Variants in STK31 observed in about 807,000 individuals in gnomAD.
STK31 encodes the protein serine/threonine kinase 31.
A neutral mutation model predicts 129.7 loss-of-function variants in STK31; 89 were observed. The observed-to-expected ratio is 0.69, with a 90% CI of 0.58 to 0.82. The LOEUF is 0.82. Among genes scored for constraint, STK31 ranks in the 40% least tolerant of loss-of-function variants. STK31 has a pLI of 0.00. For synonymous variants in STK31, 448 were observed against 395.3 expected, an observed-to-expected ratio of 1.13 and a Z score of -1.58; for missense variants, 1,187 against 1,176.4, an observed-to-expected ratio of 1.01 and a Z score of -0.13.
At chr7:23,809,265 T>C (rs192460395) in intron 22 of STK31, among the ~76,000 whole-genome samples, 30 of 152,182 alleles carry the variant, frequency 2.0e-4, no homozygotes, top group Non-Finnish European at 2.4e-4. Flanking sequence ...CTGCATTACT[T>C]TAATTGAGCC....
intron 22 of STK31, among the ~76,000 whole-genome samples, chr7:23,813,640 T>C (rs567538398): frequency 6.6e-6 from 1 of 152,324 alleles, no homozygotes; most frequent in African/African-American, 2.4e-5. Flanking sequence ...TGTTGCGTGC[T>C]GCTGGGCCTC....
At chr7:23,792,840 A>C (rs1791724084) in intron 22 of STK31, among the ~76,000 whole-genome samples, 3 of 152,146 alleles carry the variant, frequency 2.0e-5, no homozygotes, top group African/African-American at 7.2e-5. Context: ...TAGGCAACAC[A>C]AGTGAGCACC....
chr7:23,766,833 A>G (rs989414944), intron 11 of STK31, among the ~76,000 whole-genome samples: 29 of 152,150 alleles, frequency 1.9e-4, no homozygotes, highest in Non-Finnish European at 2.6e-4. Context: ...TCTGTTATCT[A>G]CATATTTTAA....
chr7:23,754,600 A>G, intron 10 of STK31, 126 bp downstream of exon 10: 2 of 1,036,798 alleles, frequency 1.9e-6, no homozygotes, highest in Non-Finnish European at 2.8e-6. Flanking sequence ...ACATAGGTAT[A>G]CATGCGCCGT....
At chr7:23,801,153 T>A (rs1417008653) in intron 22 of STK31, among the ~76,000 whole-genome samples, 1 of 152,206 alleles carries the variant, frequency 6.6e-6, no homozygotes, top group Non-Finnish European at 1.5e-5. Context: ...AGAGTGGCTG[T>A]ACTGTTTTTG....
Position 23,717,531 on chromosome 7 carries a change from A to G in STK31, c.201A>G (p.Glu67=). Residue 67 remains glutamate (E), a synonymous_variant, in exon 4 of 24, where the codon GAA becomes GAG. Coordinates refer to ENST00000355870, the MANE Select transcript of STK31 (RefSeq NM_031414.5). ...TGAAGATTGGTTGCTCACTGTCTGA[A>G]GTTTGCCCCCAGGCCAGTTCAGTTT... ...DIMKIGCSLS[E]VCPQASSVLG... 1.2e-6 allele frequency: 2 copies of G among 1,613,358 alleles called. No individual in the cohort carries two copies. Among genetic ancestry groups the G allele is most frequent in the Non-Finnish European group, 1.7e-6 (2 of 1,179,600 alleles).
intron 8 of STK31, among the ~76,000 whole-genome samples, chr7:23,741,309 G>GAT (rs2045359799): frequency 6.6e-6 from 1 of 152,130 alleles, no homozygotes; most frequent in South Asian, 2.1e-4. Context: ...GGGTGCTAGG[G>GAT]ATATATATAG....
intron 3 of STK31, among the ~76,000 whole-genome samples, chr7:23,715,447 C>T (rs1255952658): frequency 3.8e-5 from 4 of 105,312 alleles, no homozygotes; most frequent in Non-Finnish European, 6.0e-5. Flanking sequence ...AAGACCTTGT[C>T]GCTACAAAAA....
At chr7:23,792,470 A>G (rs1316646800) in intron 22 of STK31, among the ~76,000 whole-genome samples, 1 of 152,342 alleles carries the variant, frequency 6.6e-6, no homozygotes, top group East Asian at 1.9e-4. Flanking sequence ...TCAAGAAGAC[A>G]TAAATAAATG....
chr7:23,790,563 G>A (rs1188595061), intron 21 of STK31, among the ~76,000 whole-genome samples: 1 of 152,126 alleles, frequency 6.6e-6, no homozygotes, highest in African/African-American at 2.4e-5. Flanking sequence ...AGTATCAAAT[G>A]TTTAATCACA....
At chr7:23,745,135 C>G (rs1056007629) in intron 8 of STK31, among the ~76,000 whole-genome samples, 2 of 152,100 alleles carry the variant, frequency 1.3e-5, no homozygotes, top group African/African-American at 4.8e-5. Context: ...CAAGTGGATG[C>G]CAGCTGTGTT....
intron 15 of STK31, among the ~76,000 whole-genome samples, chr7:23,778,968 G>A (rs1355945362): frequency 6.6e-6 from 1 of 152,036 alleles, no homozygotes; most frequent in African/African-American, 2.4e-5. Context: ...CATCTTCTTG[G>A]ATTTATCTAC....
chr7:23,732,848 TTAGA>T (rs1446185967), intron 6 of STK31, among the ~76,000 whole-genome samples: 1 of 152,188 alleles, frequency 6.6e-6, no homozygotes, highest in Non-Finnish European at 1.5e-5. Flanking sequence ...TTCTTGAATT[TTAGA>T]TAGACTTTTG....
chr7:23,735,526 CTTCT>C lies in STK31; in HGVS notation c.484-6_484-3del, dbSNP rs771428133. Reference sequence around the variant, plus strand: ...TGTTGGTGTAGCTGGTTTATGTTTTCTTCTTTCTTAGGGCACAACCTTTTTGGGG... The same window carrying C: ...TGTTGGTGTAGCTGGTTTATGTTTTCTTCTTAGGGCACAACCTTTTTGGGG... On this transcript the variant is annotated splice_region_variant and splice_polypyrimidine_tract_variant and intron_variant, in intron 6 of 23. Coordinates refer to ENST00000355870, the MANE Select transcript of STK31 (RefSeq NM_031414.5). The C allele has an allele frequency of 1.3e-6, 2 of 1,563,302 alleles. No homozygotes were observed. Among genetic ancestry groups the C allele is most frequent in the Admixed American group, 2.0e-5 (1 of 50,940 alleles).
At chr7:23,733,824 A>T (rs1022284097) in intron 6 of STK31, among the ~76,000 whole-genome samples, 3 of 151,284 alleles carry the variant, frequency 2.0e-5, no homozygotes, top group African/African-American at 7.3e-5. Context: ...TAAAAAAATA[A>T]AAAAAAAATG....
chr7:23,832,046 GTATT>G (rs1434819671), intron 23 of STK31, 86 bp from the exon 24 acceptor site: 9 of 883,476 alleles, frequency 1.0e-5, no homozygotes, highest in African/African-American at 1.7e-5. Context: ...CTTCCTGACT[GTATT>G]TATTGAAAAA....
chr7:23,721,731 C>A (rs1253996300), intron 4 of STK31: 2 of 758,436 alleles, frequency 2.6e-6, no homozygotes, highest in Non-Finnish European at 4.9e-6. Flanking sequence ...ACAAGTGGAG[C>A]AAATGACACA....
intron 11 of STK31, among the ~76,000 whole-genome samples, chr7:23,766,105 TTG>T (rs977684547): frequency 3.9e-5 from 6 of 152,240 alleles, no homozygotes; most frequent in Non-Finnish European, 8.8e-5. Flanking sequence ...AAAGAAATCT[TTG>T]TGTATTTGAT....
At chr7:23,788,214 ACT>A in intron 21 of STK31, 85 bp downstream of exon 21, 1 of 1,152,784 alleles carries the variant, frequency 8.7e-7, no homozygotes, top group Non-Finnish European at 1.1e-6. Context: ...ATAATATAAT[ACT>A]TTATTATAGG....
Sources: gnomAD v4.1 joint callset for allele counts (sites outside exome capture counted in the v4.1 genomes callset) on GRCh38, gnomAD v4.1.1 for gene constraint, MANE v1.5 for transcripts, NCBI Gene and HGNC (gene_info 2026-07-23, HGNC 2026-07-21) for gene names.